Variants in EGFLAM observed in about 807,000 individuals in gnomAD.
EGFLAM encodes pikachurin.
Under a neutral mutation model 113.1 loss-of-function variants are expected in EGFLAM, and 79 were observed. That is an observed-to-expected ratio of 0.70 (90% CI 0.58 to 0.84). EGFLAM has a LOEUF of 0.84. Among genes scored for constraint, EGFLAM ranks in the 40% least tolerant of loss-of-function variants. The pLI is 0.00. For missense variants in EGFLAM, 1,265 were observed against 1,291.6 expected, an observed-to-expected ratio of 0.98 and a Z score of 0.32; for synonymous variants, 504 against 487.6, an observed-to-expected ratio of 1.03 and a Z score of -0.44.
intron 15 of EGFLAM, among the ~76,000 whole-genome samples, chr5:38,432,119 T>A (rs1368391008): frequency 6.6e-6 from 1 of 152,220 alleles, no homozygotes; most frequent in East Asian, 1.9e-4. Context: ...CAATTTATAG[T>A]TCCTTAAAAA....
At chr5:38,435,852 C>T (rs989585012) in intron 16 of EGFLAM, among the ~76,000 whole-genome samples, 3 of 119,238 alleles carry the variant, frequency 2.5e-5, no homozygotes, top group African/African-American at 9.8e-5. Context: ...GAGTCTCGCT[C>T]TGTCGCCCAG....
intron 1 of EGFLAM, among the ~76,000 whole-genome samples, chr5:38,262,505 G>A (rs549872494): frequency 7.1e-4 from 108 of 152,142 alleles, no homozygotes; most frequent in Non-Finnish European, 1.4e-3. Flanking sequence ...GTGTCCCTTT[G>A]TAGAAAAATG....
At chr5:38,380,437 T>A (rs1740478984) in intron 6 of EGFLAM, among the ~76,000 whole-genome samples, 1 of 152,166 alleles carries the variant, frequency 6.6e-6, no homozygotes, top group African/African-American at 2.4e-5. Context: ...GCTGGTGACA[T>A]TGGAGAAAGA....
chr5:38,443,847 T>G (rs577348775), intron 17 of EGFLAM, among the ~76,000 whole-genome samples: 1 of 151,232 alleles, frequency 6.6e-6, no homozygotes, highest in East Asian at 2.0e-4. Context: ...CTTGGCTCAC[T>G]GCAGCCTCCG....
intron 1 of EGFLAM, among the ~76,000 whole-genome samples, chr5:38,259,113 G>T (rs917063235): frequency 1.3e-5 from 2 of 152,216 alleles, no homozygotes; most frequent in Non-Finnish European, 2.9e-5. Context: ...GTGTTTGACC[G>T]CAGAGAGCTG....
chr5:38,365,828 AGATACT>A (rs1740045044), intron 5 of EGFLAM, among the ~76,000 whole-genome samples: 2 of 152,162 alleles, frequency 1.3e-5, no homozygotes. Flanking sequence ...TCAAGGTCAG[AGATACT>A]GAATTAAGTA....
intron 15 of EGFLAM, among the ~76,000 whole-genome samples, chr5:38,434,152 C>T (rs1475279738): frequency 6.6e-6 from 1 of 152,224 alleles, no homozygotes; most frequent in Non-Finnish European, 1.5e-5. Flanking sequence ...TCTGCATGCT[C>T]TGGCCCCCTC....
intron 5 of EGFLAM, among the ~76,000 whole-genome samples, chr5:38,353,197 G>T: frequency 6.6e-6 from 1 of 152,176 alleles, no homozygotes. Flanking sequence ...TTAAAGCATT[G>T]ATTCTCAATT....
chr5:38,302,287 G>A (rs1161598262), intron 1 of EGFLAM, among the ~76,000 whole-genome samples: 2 of 150,876 alleles, frequency 1.3e-5, no homozygotes, highest in Admixed American at 6.6e-5. Flanking sequence ...ATTTTGTAAC[G>A]TAGACTGGTT....
At chr5:38,313,478 A>G (rs1271082884) in intron 1 of EGFLAM, among the ~76,000 whole-genome samples, 3 of 152,246 alleles carry the variant, frequency 2.0e-5, no homozygotes, top group Non-Finnish European at 2.9e-5. Context: ...GCTCGTGCAT[A>G]AAATATTTTT....
chr5:38,349,123 C>T (rs180858649), intron 3 of EGFLAM, among the ~76,000 whole-genome samples: 26 of 152,286 alleles, frequency 1.7e-4, no homozygotes, highest in Non-Finnish European at 2.6e-4. Flanking sequence ...AAACAATGGA[C>T]GTTCAAACAT....
intron 18 of EGFLAM, among the ~76,000 whole-genome samples, chr5:38,451,112 C>T (rs1183359270): frequency 2.0e-5 from 3 of 152,218 alleles, no homozygotes; most frequent in Non-Finnish European, 4.4e-5. Flanking sequence ...GTGGGGTTCA[C>T]AGTGCTTGGG....
At chr5:38,455,505 T>C (rs1464555987) in intron 19 of EGFLAM, among the ~76,000 whole-genome samples, 1 of 152,194 alleles carries the variant, frequency 6.6e-6, no homozygotes, top group Non-Finnish European at 1.5e-5. Context: ...GAACAAGATA[T>C]AGAACATGTC....
intron 6 of EGFLAM, among the ~76,000 whole-genome samples, chr5:38,377,033 G>A (rs1325133200): frequency 6.6e-6 from 1 of 151,888 alleles, no homozygotes; most frequent in East Asian, 1.9e-4. Context: ...TTCACTGCCT[G>A]AATCTATATT....
intron 6 of EGFLAM, among the ~76,000 whole-genome samples, chr5:38,371,791 A>G (rs1740227358): frequency 6.6e-6 from 1 of 152,184 alleles, no homozygotes; most frequent in African/African-American, 2.4e-5. Context: ...AGAAATGTTG[A>G]TGATTCGATT....
intron 4 of EGFLAM, among the ~76,000 whole-genome samples, chr5:38,351,412 A>G (rs567616009): frequency 1.9e-4 from 29 of 152,248 alleles, no homozygotes; most frequent in African/African-American, 7.0e-4. Flanking sequence ...TGGTGACAGC[A>G]GCACTTCTAA....
intron 6 of EGFLAM, chr5:38,403,490 C>T: frequency 4.9e-6 from 1 of 204,134 alleles, no homozygotes; most frequent in Non-Finnish European, 1.0e-5. Flanking sequence ...ATTATGAAGT[C>T]AGATAATGGT....
At chr5:38,262,944 A>C (rs73071584) in intron 1 of EGFLAM, among the ~76,000 whole-genome samples, 2,368 of 152,268 alleles carry the variant, frequency 0.016, 69 homozygotes, top group African/African-American at 0.055. Flanking sequence ...CATTCATACA[A>C]TGTACGAATG....
intron 10 of EGFLAM, among the ~76,000 whole-genome samples, chr5:38,411,189 G>A (rs2112141014): frequency 6.6e-6 from 1 of 152,246 alleles, no homozygotes; most frequent in Non-Finnish European, 1.5e-5. Flanking sequence ...CAGGATTTTG[G>A]GAGGCCAAGG....
Sources: gnomAD v4.1 joint callset for allele counts (sites outside exome capture counted in the v4.1 genomes callset) on GRCh38, gnomAD v4.1.1 for gene constraint, MANE v1.5 for transcripts, NCBI Gene and HGNC (gene_info 2026-07-23, HGNC 2026-07-21) for gene names.